The following ME1 variants were observed in gnomAD, a reference collection of about 807,000 sequenced individuals.
ME1 encodes malic enzyme 1, also known as NADP-dependent malic enzyme.
Under a neutral mutation model 66.4 loss-of-function variants are expected in ME1, and 74 were observed. That is an observed-to-expected ratio of 1.11 (90% CI 0.92 to 1.35). ME1 has a LOEUF of 1.35. Among genes scored for constraint, ME1 ranks in the 40% most tolerant of loss-of-function variants. The probability of loss-of-function intolerance (pLI) is 0.00; values close to 1 mark genes in which losing one functional copy is unlikely to be tolerated. For missense variants in ME1, 750 were observed against 694.1 expected, an observed-to-expected ratio of 1.08 and a Z score of -0.90; for synonymous variants, 251 against 235.6, an observed-to-expected ratio of 1.07 and a Z score of -0.60.
At chr6:83,297,282 A>G (rs1018002825) in intron 6 of ME1, among the ~76,000 whole-genome samples, 1 of 152,214 alleles carries the variant, frequency 6.6e-6, no homozygotes, top group Non-Finnish European at 1.5e-5. Flanking sequence ...ACTGACAACT[A>G]CAAAACACTG....
chr6:83,227,339 G>T lies in ME1; in HGVS notation c.1271C>A (p.Thr424Asn). ...TCTGTTATAGTTTTACTTTACCTTGGTTATTTTGTAGCACTGCTCTGCAGA... is the reference window on the plus strand; with the variant it reads ...TCTGTTATAGTTTTACTTTACCTTGTTTATTTTGTAGCACTGCTCTGCAGA... ...ECSAEQCYKI[T>N]KGRAIFASGS... Residue 424 changes from threonine to asparagine, a missense_variant, in exon 11 of 14, where the codon ACC becomes AAC. Transcript: ENST00000369705. The T allele has an allele frequency of 6.6e-7, 1 of 1,523,966 alleles. No individual in the cohort carries two copies. The highest frequency in any genetic ancestry group is 8.9e-7 in the Non-Finnish European group (1 of 1,128,008). 94.4% of individuals were successfully genotyped at this position (1,523,966 alleles called of 1,614,324 possible).
At chr6:83,306,843 T>C (rs1004850704) in intron 6 of ME1, among the ~76,000 whole-genome samples, 1 of 152,006 alleles carries the variant, frequency 6.6e-6, no homozygotes, top group African/African-American at 2.4e-5. Flanking sequence ...GTAAGGAAAA[T>C]AGGGTTAAAT....
chr6:83,294,533 G>C (rs118131306), intron 6 of ME1, among the ~76,000 whole-genome samples: 2,369 of 152,192 alleles, frequency 0.016, 28 homozygotes, highest in East Asian at 0.048. Flanking sequence ...CAGCATTGCA[G>C]CCACCCAACC....
intron 6 of ME1, among the ~76,000 whole-genome samples, chr6:83,273,176 C>CAA (rs67482208): frequency 0.068 from 4,791 of 70,018 alleles, 379 homozygotes; most frequent in African/African-American, 0.16. Flanking sequence ...GACTCTGCCT[C>CAA]AAAAAAAAAA....
At chr6:83,259,174 C>T (rs1003113439) in intron 6 of ME1, among the ~76,000 whole-genome samples, 1 of 152,226 alleles carries the variant, frequency 6.6e-6, no homozygotes, top group African/African-American at 2.4e-5. Context: ...ATCTAGTGCA[C>T]TTTAGCTCTG....
chr6:83,361,808 T>C (rs1562490433), intron 3 of ME1, among the ~76,000 whole-genome samples: 1 of 152,198 alleles, frequency 6.6e-6, no homozygotes, highest in South Asian at 2.1e-4. Flanking sequence ...AAGTGGGCCA[T>C]GCACAGCAGC....
rs199721371 is a variant in ME1, at chr6:83,397,189, CA to C, written c.362+1177del. Among the ~76,000 whole-genome samples the C allele has an allele frequency of 2.3e-3, 346 of 152,272 alleles. 4 individuals are homozygous for C. Among genetic ancestry groups the C allele is most frequent in the East Asian group, 0.018 (94 of 5,180 alleles). ...GCAGTCAGTCAACAGAGTGAAGAGA[CA>C]ACCTATGGAATAGGAGAGAATATCT... On this transcript the variant is annotated intron_variant, in intron 3 of 13. Transcript: ENST00000369705.
At chr6:83,221,979 A>G (rs1030073468) in intron 12 of ME1, among the ~76,000 whole-genome samples, 1 of 152,196 alleles carries the variant, frequency 6.6e-6, no homozygotes, top group Admixed American at 6.6e-5. Context: ...GTATGTTGAC[A>G]ACACCACATT....
intron 6 of ME1, among the ~76,000 whole-genome samples, chr6:83,290,800 T>G (rs1228429049): frequency 1.3e-5 from 2 of 152,228 alleles, no homozygotes; most frequent in East Asian, 3.8e-4. Flanking sequence ...TGAATCTGGG[T>G]GCTCCTGTAT....
chr6:83,223,407 A>G (rs1488765404), intron 12 of ME1, among the ~76,000 whole-genome samples: 2 of 152,216 alleles, frequency 1.3e-5, no homozygotes, highest in Non-Finnish European at 2.9e-5. Flanking sequence ...TGCCTGCCTC[A>G]GCCTCCCAAA....
chr6:83,398,634 T>C, intron 2 of ME1, 118 bp from the exon 3 acceptor site: 1 of 554,920 alleles, frequency 1.8e-6, no homozygotes. Flanking sequence ...ATAGAAAACA[T>C]CTGATTAAAA....
intron 4 of ME1, 95 bp downstream of exon 4, chr6:83,351,969 A>C: frequency 1.6e-6 from 1 of 631,016 alleles, no homozygotes; most frequent in African/African-American, 1.9e-5. Flanking sequence ...AATGAATGCT[A>C]CCTATTATCA....
chr6:83,258,369 C>T (rs544244133), intron 6 of ME1, among the ~76,000 whole-genome samples: 13 of 152,114 alleles, frequency 8.5e-5, no homozygotes, highest in Admixed American at 4.6e-4. Flanking sequence ...AAGAAAGCCA[C>T]GTAAGGGATA....
At chr6:83,320,517 T>A (rs1768130833) in intron 5 of ME1, among the ~76,000 whole-genome samples, 1 of 152,240 alleles carries the variant, frequency 6.6e-6, no homozygotes. Flanking sequence ...AGTGCCGCTG[T>A]AAACTGCAGC....
At chr6:83,416,499 G>A (rs1770162447) in intron 1 of ME1, among the ~76,000 whole-genome samples, 1 of 152,192 alleles carries the variant, frequency 6.6e-6, no homozygotes, top group South Asian at 2.1e-4. Context: ...AGGTATGGAT[G>A]AGTAATTAAG....
At chr6:83,221,636 C>G (rs1393320536) in intron 12 of ME1, among the ~76,000 whole-genome samples, 3 of 151,878 alleles carry the variant, frequency 2.0e-5, no homozygotes, top group Non-Finnish European at 2.9e-5. Flanking sequence ...GTGGAATTAC[C>G]CAACAGGCAA....
Position 83,253,747 on chromosome 6 carries a change from CA to C in ME1, c.705-10del, listed in dbSNP as rs780836146. On this transcript the variant is annotated splice_polypyrimidine_tract_variant and intron_variant, in intron 6 of 13. Coordinates refer to ENST00000369705, the MANE Select transcript of ME1 (RefSeq NM_002395.6). Reference sequence around the variant, plus strand: ...GGCAATTCATGCCATACCTATGGGACAAAAACATTCATATTAGAAGAGGTTA... The same window carrying C: ...GGCAATTCATGCCATACCTATGGGACAAAACATTCATATTAGAAGAGGTTA... 4 of 1,354,490 alleles carry C rather than the reference CA, an allele frequency of 3.0e-6. No homozygotes were observed. The highest frequency in any genetic ancestry group is 3.2e-6 in the Non-Finnish European group (3 of 949,748). The allele number at this position is 1,354,490 out of a possible 1,614,324, so 83.9% of individuals were successfully genotyped here.
intron 1 of ME1, among the ~76,000 whole-genome samples, chr6:83,410,535 C>G (rs1394868683): frequency 6.6e-6 from 1 of 151,470 alleles, no homozygotes; most frequent in Non-Finnish European, 1.5e-5. Flanking sequence ...AAATTATGGA[C>G]AGTAATATAT....
At chr6:83,224,409 A>C (rs1790147610) in intron 11 of ME1, among the ~76,000 whole-genome samples, 1 of 152,132 alleles carries the variant, frequency 6.6e-6, no homozygotes, top group Non-Finnish European at 1.5e-5. Flanking sequence ...TGGGCTAGGC[A>C]CAGTGGCTCA....
Sources: gnomAD v4.1 joint callset for allele counts (sites outside exome capture counted in the v4.1 genomes callset) on GRCh38, gnomAD v4.1.1 for gene constraint, MANE v1.5 for transcripts, NCBI Gene and HGNC (gene_info 2026-07-23, HGNC 2026-07-21) for gene names.